Variants in EEF1G observed in about 807,000 individuals in gnomAD.
EEF1G encodes the protein eukaryotic translation elongation factor 1 gamma.
In EEF1G, 14 loss-of-function variants were observed where a neutral mutation model predicts 58.3. The observed-to-expected ratio is 0.24, with a 90% CI of 0.16 to 0.38. The LOEUF is 0.38. EEF1G is among the 10% of genes least tolerant of loss of function. The pLI, the probability that EEF1G is intolerant of heterozygous loss-of-function variation, is 1.00. For synonymous variants in EEF1G, 180 were observed against 206.8 expected, an observed-to-expected ratio of 0.87 and a Z score of 1.11; for missense variants, 322 against 550.1, an observed-to-expected ratio of 0.59 and a Z score of 4.15.
chr11:62,570,241 T>C (rs1334214831), intron 5 of EEF1G, among the ~76,000 whole-genome samples: 1 of 151,978 alleles, frequency 6.6e-6, no homozygotes, highest in Non-Finnish European at 1.5e-5. Context: ...TTCGTATTTT[T>C]AATAGAGACA....
At position 62,571,857 on chromosome 11, in the gene EEF1G, G is replaced by A; in HGVS notation, c.216C>T (p.Ser72=). 2 of 1,589,384 alleles carry A rather than the reference G, an allele frequency of 1.3e-6. No individual in the cohort carries two copies. The highest frequency in any genetic ancestry group is 8.6e-7 in the Non-Finnish European group (1 of 1,167,850). ...EGDDGFCVFE[S]NAIAYYVSNE... is the part of the protein sequence containing the mutation. ...AATTACCATAGTAGGCAATGGCGTT[G>A]CTCTCAAACACACAGAATCCATCAT... Residue 72 remains serine (S), a synonymous_variant, in exon 3 of 10, where the codon AGC becomes AGT. Coordinates refer to ENST00000329251, the MANE Select transcript of EEF1G (RefSeq NM_001404.5).
chr11:62,562,391 A>G (rs973195540), intron 7 of EEF1G, among the ~76,000 whole-genome samples: 3 of 152,204 alleles, frequency 2.0e-5, no homozygotes, highest in African/African-American at 7.2e-5. Flanking sequence ...ATGTGTGTGT[A>G]TATATGTGTG....
chr11:62,563,947 G>T (rs887573645), intron 7 of EEF1G, among the ~76,000 whole-genome samples: 1 of 152,162 alleles, frequency 6.6e-6, no homozygotes, highest in South Asian at 2.1e-4. Flanking sequence ...AACTGTTCAA[G>T]CTATTTGTTT....
Position 62,560,360 on chromosome 11 carries a change from C to A in EEF1G, c.952G>T (p.Gly318Cys), listed in dbSNP as rs779116430. ...PYFWEHFDKD[G>C]WSLWYSEYRF... Reference sequence around the variant, plus strand: ...TACTCTGAGTACCACAGGGACCAGCCGTCCTTATCAAAGTGCTCCCAGAAA... The same window carrying A: ...TACTCTGAGTACCACAGGGACCAGCAGTCCTTATCAAAGTGCTCCCAGAAA... The change falls in exon 8 of 10, where the codon GGC (glycine) becomes TGC (cysteine). Residue 318 changes from glycine (G) to cysteine (C), a missense_variant. By Grantham distance (159) the Gly-to-Cys change is radical. Transcript: ENST00000329251. 4 of 1,608,874 alleles carry A rather than the reference C, an allele frequency of 2.5e-6. No individual in the cohort carries two copies. Among genetic ancestry groups the A allele is most frequent in the Non-Finnish European group, 3.4e-6 (4 of 1,177,472 alleles).
intron 7 of EEF1G, among the ~76,000 whole-genome samples, chr11:62,560,689 A>T (rs763366886): frequency 1.8e-4 from 28 of 152,198 alleles, no homozygotes; most frequent in Non-Finnish European, 3.2e-4. Flanking sequence ...TGGGACTCTG[A>T]GACCTGCCCC....
chr11:62,568,902 G>C (rs567036810), intron 5 of EEF1G, among the ~76,000 whole-genome samples: 1 of 151,998 alleles, frequency 6.6e-6, no homozygotes, highest in East Asian at 1.9e-4. Flanking sequence ...GAACCCGGGA[G>C]GCAGAAGTTG....
Position 62,559,761 on chromosome 11 carries a change from G to A in EEF1G, c.1232C>T (p.Thr411Met), listed in dbSNP as rs761244656. 4.2e-5 allele frequency: 68 copies of A among 1,613,884 alleles called. No individual in the cohort carries two copies. Among genetic ancestry groups the A allele is most frequent in the Admixed American group, 5.0e-5 (3 of 59,998 alleles). ...KLDPGSEETQ[T>M]LVREYFSWEG... is the part of the protein sequence containing the mutation. ...CCAGGAAAAGTACTCTCGAACCAGC[G>A]TCTGGGTCTCCTCGCTGCCAGGATC... Residue 411 changes from threonine (T) to methionine (M), a missense_variant, in exon 10 of 10, where the codon ACG becomes ATG. Physicochemically the swap from Thr to Met is moderately conservative, Grantham distance 81. Around this residue, in one of 3 missense-constraint regions of EEF1G, gnomAD observed 208 missense variants for 323.7 expected, o/e 0.64. Coordinates refer to ENST00000329251, the MANE Select transcript of EEF1G (RefSeq NM_001404.5).
In EEF1G at chr11:62,571,963, A is replaced by G. The variant is rs910510262; in HGVS notation, c.172-62T>C. ...ACAAAATTTCTTCCTAACCAATACC[A>G]GGAGCCAAACTGCTTTGAAAATACT... On this transcript the variant is annotated intron_variant, in intron 2 of 9. Coordinates refer to ENST00000329251, the MANE Select transcript of EEF1G (RefSeq NM_001404.5). 6.7e-5 allele frequency: 95 copies of G among 1,428,462 alleles called. 1 individual carries two copies. In the African/African-American group the frequency reaches 1.2e-3, roughly 19 times the overall value. The allele number at this position is 1,428,462 out of a possible 1,614,324, so 88.5% of individuals were successfully genotyped here.
At position 62,573,813 on chromosome 11, in the gene EEF1G, C is replaced by G. The variant is rs1220217289; in HGVS notation, c.12+18G>C. The G allele has an allele frequency of 2.5e-6, 4 of 1,613,630 alleles. No individual in the cohort carries two copies. Among genetic ancestry groups the G allele is most frequent in the Non-Finnish European group, 3.4e-6 (4 of 1,179,792 alleles). On this transcript the variant is annotated intron_variant, in intron 1 of 9. Coordinates refer to ENST00000329251, the MANE Select transcript of EEF1G (RefSeq NM_001404.5). ...CGGTGGATAGGATGACCCGAACCAC[C>G]AGAGCCAGCAAACTTACCCCAGCCG...
At chr11:62,560,737 CAG>C (rs980195822) in intron 7 of EEF1G, among the ~76,000 whole-genome samples, 2 of 152,160 alleles carry the variant, frequency 1.3e-5, no homozygotes, top group Non-Finnish European at 2.9e-5. Flanking sequence ...CAGGTGGAGA[CAG>C]AGTGAGGACT....
At chr11:62,562,701 G>A (rs1022272204) in intron 7 of EEF1G, among the ~76,000 whole-genome samples, 2 of 152,094 alleles carry the variant, frequency 1.3e-5, no homozygotes, top group African/African-American at 4.8e-5. Context: ...GGCTGGTCTT[G>A]AACTCTTGAC....
At chr11:62,562,955 T>C (rs1298423611) in intron 7 of EEF1G, among the ~76,000 whole-genome samples, 1 of 151,714 alleles carries the variant, frequency 6.6e-6, no homozygotes, top group Admixed American at 6.6e-5. Flanking sequence ...ATTTAAAAAT[T>C]AGCTGGGAGC....
intron 7 of EEF1G, among the ~76,000 whole-genome samples, chr11:62,562,489 TTTG>T (rs1249936190): frequency 6.6e-6 from 1 of 152,162 alleles, no homozygotes; most frequent in Non-Finnish European, 1.5e-5. Flanking sequence ...TTTTTTTTGT[TTTG>T]TTTTTTTGAG....
In EEF1G at chr11:62,569,101, A is replaced by C. The variant is rs1018969571; in HGVS notation, c.523-1573T>G. ...TACACACACGCACACACACACACAC[A>C]CCCCCCACACCCACCCATCCATCAA... On this transcript the variant is annotated intron_variant, in intron 5 of 9. Transcript: ENST00000329251. Among the ~76,000 whole-genome samples the C allele has an allele frequency of 1.9e-4, 28 of 150,988 alleles. 1 individual carries two copies. Among genetic ancestry groups the C allele is most frequent in the Middle Eastern group, 6.9e-3 (2 of 290 alleles).
chr11:62,560,760 T>C (rs1006638290), intron 7 of EEF1G, among the ~76,000 whole-genome samples: 3 of 152,160 alleles, frequency 2.0e-5, no homozygotes, highest in Non-Finnish European at 4.4e-5. Context: ...TCTTTTTCCC[T>C]GTTCAGGCCC....
At chr11:62,566,765 C>T (rs1171667945) in intron 7 of EEF1G, 41 bp downstream of exon 7, 1 of 1,593,822 alleles carries the variant, frequency 6.3e-7, no homozygotes, top group East Asian at 2.2e-5. Flanking sequence ...TGAGAACAGG[C>T]CTTCTTTGGT....
intron 1 of EEF1G, chr11:62,573,493 GTGT>G: frequency 2.2e-6 from 1 of 458,100 alleles, no homozygotes; most frequent in Non-Finnish European, 4.0e-6. Context: ...CCTGTCCCCT[GTGT>G]TACTCCACAA....
rs1209920719 is a variant in EEF1G at position 62,561,688 on chromosome 11, A to ACAAAAC, written c.858-1235_858-1234insGTTTTG. ...AAAAAAAACAAAAAAAAAACAAAAA[A>ACAAAAC]AAAAAAAACAACCAAAAAACACATA... On this transcript the variant is annotated intron_variant, in intron 7 of 9. Coordinates refer to ENST00000329251, the MANE Select transcript of EEF1G (RefSeq NM_001404.5). 3.3e-3 allele frequency among the ~76,000 whole-genome samples: 459 copies of ACAAAAC among 140,430 alleles called. 6 individuals carry two copies. Among genetic ancestry groups the ACAAAAC allele is most frequent in the Non-Finnish European group, 5.6e-3 (354 of 63,192 alleles). The allele number at this position is 140,430 out of a possible 152,430, so 92.1% of individuals were successfully genotyped here.
chr11:62,568,456 G>A (rs1454581723), intron 5 of EEF1G, among the ~76,000 whole-genome samples: 1 of 149,466 alleles, frequency 6.7e-6, no homozygotes, highest in South Asian at 2.1e-4. Flanking sequence ...GGCTTATCTT[G>A]AACTCGCATG....
Sources: allele counts gnomAD v4.1 joint callset (sites outside exome capture counted in the v4.1 genomes callset), GRCh38; gene constraint gnomAD v4.1.1; regional missense constraint gnomAD v4.1.1; transcripts MANE v1.5; gene names NCBI Gene and HGNC (gene_info 2026-07-23, HGNC 2026-07-21).